Variants in SYNE1 observed in about 807,000 individuals in gnomAD.
SYNE1 encodes the protein spectrin repeat containing nuclear envelope protein 1, also known as nesprin-1.
A neutral mutation model predicts 1,111.0 loss-of-function variants in SYNE1; 616 were observed. The ratio of observed to expected loss-of-function variants is 0.55; its 90% CI spans 0.52 to 0.59. The LOEUF (loss-of-function observed/expected upper bound fraction) is 0.59, where lower values mean the gene tolerates loss of function less well. Among genes scored for constraint, SYNE1 ranks in the 20% least tolerant of loss-of-function variants. The pLI, the probability that SYNE1 is intolerant of heterozygous loss-of-function variation, is 0.00. For missense variants in SYNE1, 10,006 were observed against 10,417.0 expected (o/e 0.96, Z 1.72); for synonymous variants, 3,855 against 3,825.8 (o/e 1.01, Z -0.28).
chr6:152,247,730 TATATATA>T (rs1562483838), intron 105 of SYNE1, among the ~76,000 whole-genome samples: 7 of 81,180 alleles, frequency 8.6e-5, no homozygotes, highest in African/African-American at 4.4e-4. Flanking sequence ...TTTTTTATTA[TATATATA>T]TATATATATA....
intron 3 of SYNE1, among the ~76,000 whole-genome samples, chr6:152,612,525 A>G (rs1203101192): frequency 1.3e-5 from 2 of 152,236 alleles, no homozygotes; most frequent in African/African-American, 2.4e-5. Flanking sequence ...AACCAAAAAA[A>G]GTCCAGGACC....
At position 152,281,922 on chromosome 6, in the gene SYNE1, C is replaced by T. The variant is rs752053839; in HGVS notation, c.18266G>A (p.Arg6089His). The stretch of plus-strand genomic sequence containing the variant: ...GCTGTCCAGCTCATCGGCTTCACAG[C>T]GATACCTCTGCAGGGCCTGTTCCTG... The part of the protein sequence containing the change: ...QRQEQALQRY[R>H]CEADELDSWL... The change falls in exon 97 of 146, where the codon CGC becomes CAC. Residue 6089 changes from arginine to histidine, a missense_variant. By Grantham distance (29) the Arg-to-His change is conservative (BLOSUM62 0). This residue lies in a region of SYNE1 where 99 missense variants were observed against 147.8 expected (regional missense o/e 0.67). Coordinates refer to ENST00000367255, the MANE Select transcript of SYNE1 (RefSeq NM_182961.4). 8.7e-6 allele frequency: 14 copies of T among 1,614,000 alleles called. No individual in the cohort carries two copies. In the East Asian group the frequency reaches 8.9e-5, roughly 10 times the overall value.
rs747550581 is a variant in SYNE1 at position 152,331,105 on chromosome 6, T to C, written c.13580A>G (p.Gln4527Arg). Residue 4527 changes from glutamine (Q) to arginine (R), a missense_variant, in exon 78 of 146, where the codon CAG (glutamine) becomes CGG (arginine). Gln to Arg is a conservative substitution (Grantham distance 43). Coordinates refer to ENST00000367255, the MANE Select transcript of SYNE1 (RefSeq NM_182961.4). ...CTTCCCCAGCACTTCACTCTTTTCC[T>C]GCTCTGTGACTTCCTTCATTAGTTC... ...GRELMKEVTE[Q>R]EKSEVLGKLQ... The C allele has an allele frequency of 3.7e-6, 6 of 1,614,098 alleles. No homozygotes were observed. Among genetic ancestry groups the C allele is most frequent in the Non-Finnish European group, 5.1e-6 (6 of 1,180,048 alleles).
intron 66 of SYNE1, among the ~76,000 whole-genome samples, chr6:152,355,279 C>T (rs969645446): frequency 1.3e-5 from 2 of 152,116 alleles, no homozygotes; most frequent in African/African-American, 2.4e-5. Flanking sequence ...GAATAAAGGG[C>T]TATTGTTTAA....
chr6:152,170,182 A>G (rs982794606), intron 130 of SYNE1, among the ~76,000 whole-genome samples: 1 of 152,192 alleles, frequency 6.6e-6, no homozygotes, highest in South Asian at 2.1e-4. Flanking sequence ...ATGTATTCCA[A>G]TGAACTAAAT....
intron 95 of SYNE1, among the ~76,000 whole-genome samples, chr6:152,288,540 A>C (rs1245900750): frequency 1.3e-5 from 2 of 152,134 alleles, no homozygotes; most frequent in African/African-American, 4.8e-5. Context: ...GGAACTGTTC[A>C]CTTAAATCTT....
At chr6:152,632,164 A>C (rs1220642880) in intron 2 of SYNE1, among the ~76,000 whole-genome samples, 1 of 152,200 alleles carries the variant, frequency 6.6e-6, no homozygotes, top group African/African-American at 2.4e-5. Context: ...AGAGGCTATA[A>C]CATTGCAAAA....
At chr6:152,169,661 C>T (rs2064665535) in intron 130 of SYNE1, among the ~76,000 whole-genome samples, 1 of 145,930 alleles carries the variant, frequency 6.9e-6, no homozygotes, top group Non-Finnish European at 1.5e-5. Context: ...AAAAGATTAT[C>T]CAGGCACAGT....
At chr6:152,227,534 T>A (rs921283794) in intron 115 of SYNE1, among the ~76,000 whole-genome samples, 2 of 152,302 alleles carry the variant, frequency 1.3e-5, no homozygotes, top group Non-Finnish European at 2.9e-5. Context: ...TACCAGAGAA[T>A]AAATATAGTG....
rs1166773141 is a variant in SYNE1, at chr6:152,208,103, A to G, written c.22693T>C (p.Trp7565Arg). 4 of 1,614,082 alleles carry G rather than the reference A, an allele frequency of 2.5e-6. No individual in the cohort carries two copies. Among genetic ancestry groups the G allele is most frequent in the Middle Eastern group, 1.7e-4 (1 of 6,058 alleles). The change falls in exon 125 of 146, where the codon TGG becomes CGG. Residue 7565 changes from tryptophan to arginine, a missense_variant. Physicochemically the swap from Trp to Arg is moderately radical, Grantham distance 101. This residue lies in a region of SYNE1 where 2,182 missense variants were observed against 2,287.8 expected (regional missense o/e 0.95). Transcript: ENST00000367255. ...RGIIDSQIRQ[W>R]QRYREMAEKL... ...TCTGCCATCTCCCTATAGCGCTGCC[A>G]CTGGCGAATCTGGCTGTCAATGATC...
chr6:152,386,334 T>A lies in SYNE1; in HGVS notation c.8488-496A>T, dbSNP rs530210799. ...TTGTGGCCAGTCACACATTCAAAAG[T>A]GTCAAAGCCAGAATTCAAACTTAAC... On this transcript the variant is annotated intron_variant, in intron 54 of 145. Transcript: ENST00000367255. 2.0e-5 allele frequency among the ~76,000 whole-genome samples: 3 copies of A among 152,276 alleles called. No individual in the cohort carries two copies. The South Asian group carries it at 6.2e-4, about 32-fold the overall frequency.
At chr6:152,367,025 G>T in intron 62 of SYNE1, 193 bp downstream of exon 62, 1 of 742,676 alleles carries the variant, frequency 1.3e-6, no homozygotes, top group Non-Finnish European at 2.4e-6. Context: ...TTATTTTTTG[G>T]AAAACATCCG....
rs1229979194 is a variant in SYNE1, at chr6:152,321,713, T to C, written c.16083+8A>G. On this transcript the variant is annotated splice_region_variant and intron_variant, in intron 83 of 145. Transcript: ENST00000367255. ...ATGGGTAAAGAGAATGAGGAGACTTTTTTGTACCTGAAGTTCTTCAAGTTG... is the reference window on the plus strand; with the variant it reads ...ATGGGTAAAGAGAATGAGGAGACTTCTTTGTACCTGAAGTTCTTCAAGTTG... The C allele has an allele frequency of 1.9e-6, 3 of 1,614,014 alleles. No individual in the cohort carries two copies.
At chr6:152,182,219 A>G (rs1162149866) in intron 128 of SYNE1, among the ~76,000 whole-genome samples, 5 of 152,224 alleles carry the variant, frequency 3.3e-5, no homozygotes, top group African/African-American at 1.2e-4. Context: ...TGATTTCAAA[A>G]TATAATACTC....
At chr6:152,233,638 A>T in intron 112 of SYNE1, 143 bp downstream of exon 112, 1 of 1,057,648 alleles carries the variant, frequency 9.5e-7, no homozygotes, top group Non-Finnish European at 1.4e-6. Context: ...GTTCACTCTT[A>T]ATATTAATAC....
rs995719032 is a variant in SYNE1 at position 152,278,101 on chromosome 6, C to A, written c.18561G>T (p.Gln6187His). The A allele has an allele frequency of 1.9e-6, 3 of 1,613,844 alleles. No individual in the cohort carries two copies. The highest frequency in any genetic ancestry group is 2.7e-5 in the African/African-American group (2 of 74,930). Residue 6187 changes from glutamine (Q) to histidine (H), a missense_variant, in exon 98 of 146, where the codon CAG becomes CAT. Transcript: ENST00000367255. ...LELQRALHDK[Q>H]LNMQGTAQEK... The stretch of plus-strand genomic sequence containing the variant: ...CTGGAACCCTCACCTGCATGTTGAG[C>A]TGCTTATCATGCAGGGCTCTCTGCA...
At chr6:152,441,045 T>C in intron 32 of SYNE1, 85 bp downstream of exon 32, 1 of 1,503,498 alleles carries the variant, frequency 6.7e-7, no homozygotes, top group Non-Finnish European at 9.2e-7. Context: ...ACAATAACAA[T>C]TAATAGTAAT....
At chr6:152,480,787 G>A (rs1009126049) in intron 14 of SYNE1, 1 of 455,972 alleles carries the variant, frequency 2.2e-6, no homozygotes, top group Non-Finnish European at 4.4e-6. Context: ...TTTCTCTTCA[G>A]TCTAGTCCTT....
chr6:152,195,808 T>C (rs1487683249), intron 127 of SYNE1, among the ~76,000 whole-genome samples: 6 of 136,858 alleles, frequency 4.4e-5, no homozygotes, highest in Non-Finnish European at 6.3e-5. Flanking sequence ...CTGTAACCAC[T>C]ACTTGGCTAC....
Sources: allele counts gnomAD v4.1 joint callset (sites outside exome capture counted in the v4.1 genomes callset), GRCh38; gene constraint gnomAD v4.1.1; regional missense constraint gnomAD v4.1.1; transcripts MANE v1.5; gene names NCBI Gene and HGNC (gene_info 2026-07-23, HGNC 2026-07-21).